The following PGM5 variants were observed in gnomAD, a reference collection of about 807,000 sequenced individuals.
PGM5 encodes the protein phosphoglucomutase-like protein 5.
PGM5 carries 23 observed loss-of-function variants against 59.2 expected under a neutral mutation model. The observed-to-expected ratio is 0.39, with a 90% CI of 0.28 to 0.55. The LOEUF (loss-of-function observed/expected upper bound fraction) is 0.55, where lower values mean the gene tolerates loss of function less well. Ranked by LOEUF, PGM5 falls within the 20% of genes least tolerant of loss-of-function variation. PGM5 has a pLI of 0.66. For synonymous variants in PGM5, 214 were observed against 286.0 expected (o/e 0.75, Z 2.54); for missense variants, 574 against 748.3 (o/e 0.77, Z 2.72).
chr9:68,526,263 A>G (rs1431281058), intron 10 of PGM5, among the ~76,000 whole-genome samples: 1 of 152,176 alleles, frequency 6.6e-6, no homozygotes, highest in Non-Finnish European at 1.5e-5. Flanking sequence ...CCAAACACTC[A>G]TATTTCCCGG....
In PGM5 at chr9:68,366,296, A is replaced by G. The variant is rs561515329; in HGVS notation, c.261+8908A>G. Among the ~76,000 whole-genome samples, 84 of 152,264 alleles carry G rather than the reference A, an allele frequency of 5.5e-4. No individual in the cohort carries two copies. In the South Asian group the frequency reaches 6.4e-3, roughly 12 times the overall value. On this transcript the variant is annotated intron_variant, in intron 1 of 10. Coordinates refer to ENST00000396396, the MANE Select transcript of PGM5 (RefSeq NM_021965.4). ...CTAAGGAAAAACTCAGAAAAAATCTATATGTTCAACAGAGAACAGGTACAT... is the reference window on the plus strand; with the variant it reads ...CTAAGGAAAAACTCAGAAAAAATCTGTATGTTCAACAGAGAACAGGTACAT...
intron 10 of PGM5, among the ~76,000 whole-genome samples, chr9:68,506,934 C>T (rs1412209743): frequency 1.3e-5 from 2 of 151,988 alleles, no homozygotes; most frequent in African/African-American, 4.8e-5. Flanking sequence ...TTATAGCCCC[C>T]CAAACCCTGA....
At chr9:68,387,399 T>C (rs1587784760) in intron 3 of PGM5, 64 bp from the exon 4 acceptor site, 1 of 1,353,354 alleles carries the variant, frequency 7.4e-7, no homozygotes, top group East Asian at 2.3e-5. Flanking sequence ...TGATTCTTTT[T>C]ATGCTTCCAA....
intron 7 of PGM5, among the ~76,000 whole-genome samples, chr9:68,476,902 T>C (rs782814402): frequency 2.8e-4 from 43 of 152,352 alleles, no homozygotes; most frequent in Non-Finnish European, 5.3e-4. Flanking sequence ...CTAGGTAATG[T>C]AATCCAGCTG....
intron 7 of PGM5, among the ~76,000 whole-genome samples, chr9:68,465,832 A>C (rs958246529): frequency 6.6e-6 from 1 of 152,160 alleles, no homozygotes; most frequent in Non-Finnish European, 1.5e-5. Flanking sequence ...AGTACCCCCC[A>C]GTCTCCTGCC....
chr9:68,421,326 ATGT>A (rs1171039928), intron 6 of PGM5, among the ~76,000 whole-genome samples: 2 of 151,986 alleles, frequency 1.3e-5, no homozygotes, highest in Non-Finnish European at 2.9e-5. Flanking sequence ...CAGTTTCCTG[ATGT>A]TGTTTATCTA....
At position 68,499,434 on chromosome 9, in the gene PGM5, T is replaced by G; in HGVS notation, c.1614+73T>G. 3.4e-6 allele frequency: 5 copies of G among 1,464,812 alleles called. No homozygotes were observed. The South Asian group carries it at 6.2e-5, about 18-fold the overall frequency. The allele number at this position is 1,464,812 out of a possible 1,614,324, so 90.7% of individuals were successfully genotyped here. A position where few individuals can be genotyped will look rare whatever the true frequency, so the allele number is the denominator to read the frequency against. ...AAATTTAGAGAGCTCCATGGGCCTT[T>G]AGTGGGGCTATTTTACCTCCTGGAA... On this transcript the variant is annotated intron_variant, in intron 10 of 10. Coordinates refer to ENST00000396396, the MANE Select transcript of PGM5 (RefSeq NM_021965.4).
chr9:68,481,879 C>A (rs1331199988), intron 8 of PGM5, among the ~76,000 whole-genome samples: 2 of 152,136 alleles, frequency 1.3e-5, no homozygotes, highest in Non-Finnish European at 2.9e-5. Context: ...CAGCAAATGG[C>A]AAATTAGAAG....
intron 2 of PGM5, among the ~76,000 whole-genome samples, chr9:68,382,615 T>G (rs1278594181): frequency 1.1e-4 from 16 of 151,760 alleles, no homozygotes; most frequent in Non-Finnish European, 1.6e-4. Flanking sequence ...TTAAAATTTA[T>G]TTTTATATGA....
chr9:68,410,146 G>A (rs367994444), intron 6 of PGM5, among the ~76,000 whole-genome samples: 14 of 152,342 alleles, frequency 9.2e-5, no homozygotes, highest in African/African-American at 3.1e-4. Flanking sequence ...ACTAGAGAGA[G>A]GATGAAGAAG....
intron 6 of PGM5, among the ~76,000 whole-genome samples, chr9:68,428,027 T>A (rs1823266679): frequency 6.6e-6 from 1 of 152,238 alleles, no homozygotes; most frequent in Non-Finnish European, 1.5e-5. Flanking sequence ...CCTTTTATAA[T>A]GCTCTGTAAA....
chr9:68,504,895 A>G (rs189814987), intron 10 of PGM5, among the ~76,000 whole-genome samples: 1 of 152,278 alleles, frequency 6.6e-6, no homozygotes, highest in East Asian at 1.9e-4. Flanking sequence ...CTCTCAGCCC[A>G]ATTATATCAC....
intron 8 of PGM5, among the ~76,000 whole-genome samples, 171 bp from the exon 9 acceptor site, chr9:68,483,694 G>A (rs79775039): frequency 0.021 from 3,135 of 152,262 alleles, 40 homozygotes; most frequent in African/African-American, 0.045. Context: ...TACTCTGGCC[G>A]CTGTATGGGG....
At position 68,519,542 on chromosome 9, in the gene PGM5, G is replaced by A. The variant is rs191590754; in HGVS notation, c.1615-10025G>A. ...TAACTTCTTAAGAGAGGAAAACATA[G>A]GAACTTTAAAAAATTGAGAAAGAAA... On this transcript the variant is annotated intron_variant, in intron 10 of 10. Coordinates refer to ENST00000396396, the MANE Select transcript of PGM5 (RefSeq NM_021965.4). 9.3e-5 allele frequency among the ~76,000 whole-genome samples: 14 copies of A among 151,306 alleles called. 1 individual carries two copies. In the East Asian group the frequency reaches 2.3e-3, roughly 25 times the overall value.
intron 3 of PGM5, among the ~76,000 whole-genome samples, chr9:68,387,044 C>T (rs1254888143): frequency 2.6e-5 from 4 of 151,728 alleles, no homozygotes; most frequent in Non-Finnish European, 5.9e-5. Flanking sequence ...TGTTTCATAC[C>T]AGCTGAGTCA....
At chr9:68,407,025 T>G (rs1249682898) in intron 6 of PGM5, among the ~76,000 whole-genome samples, 1 of 151,986 alleles carries the variant, frequency 6.6e-6, no homozygotes, top group Admixed American at 6.6e-5. Context: ...TATCTCTATT[T>G]TATAGTTTTT....
At chr9:68,364,517 C>T (rs1288908206) in intron 1 of PGM5, among the ~76,000 whole-genome samples, 1 of 152,068 alleles carries the variant, frequency 6.6e-6, no homozygotes, top group Non-Finnish European at 1.5e-5. Context: ...CTGGAGTTCA[C>T]TACAGAATAG....
At chr9:68,429,064 T>C (rs1337645842) in intron 6 of PGM5, 1 of 152,206 alleles carries the variant, frequency 6.6e-6, no homozygotes, top group Non-Finnish European at 1.5e-5. Context: ...TCTAGTGGTC[T>C]ACAGTATATG....
intron 6 of PGM5, among the ~76,000 whole-genome samples, chr9:68,460,795 C>G (rs1324065639): frequency 6.6e-6 from 1 of 152,082 alleles, no homozygotes; most frequent in Non-Finnish European, 1.5e-5. Flanking sequence ...TTATTCTAGA[C>G]ATTGAAGGAG....
Sources: allele counts gnomAD v4.1 joint callset (sites outside exome capture counted in the v4.1 genomes callset), GRCh38; gene constraint gnomAD v4.1.1; transcripts MANE v1.5; gene names NCBI Gene and HGNC (gene_info 2026-07-23, HGNC 2026-07-21).